The following NOSTRIN variants were observed in gnomAD, a reference collection of about 807,000 sequenced individuals.
NOSTRIN encodes BM247 homolog.
A neutral mutation model predicts 59.0 loss-of-function variants in NOSTRIN; 63 were observed. The ratio of observed to expected loss-of-function variants is 1.07; its 90% confidence interval spans 0.87 to 1.32. The LOEUF (loss-of-function observed/expected upper bound fraction) is 1.32. NOSTRIN is among the 40% of genes most tolerant of loss of function. The pLI is 0.00. For synonymous variants in NOSTRIN, 200 were observed against 165.4 expected, an observed-to-expected ratio of 1.21 and a Z score of -1.61; for missense variants, 512 against 473.1, an observed-to-expected ratio of 1.08 and a Z score of -0.76.
At position 168,811,627 on chromosome 2, in the gene NOSTRIN, C is replaced by T. The variant is rs781506508; in HGVS notation, c.88C>T (p.Gln30Ter). ...FSQNGENFCK[Q>*]VTSVLQQRAN... is the part of the protein sequence containing the mutation. ...TCAAAATGGAGAGAATTTCTGCAAA[C>T]AGGTCACATCTGTTCTTCAGCAAAG... The change falls in exon 2 of 16, where the codon CAG (glutamine) becomes TAG (stop). Residue 30 changes from glutamine to a stop codon, truncating the protein, a stop_gained. Coordinates refer to ENST00000317647, the MANE Select transcript of NOSTRIN (RefSeq NM_001039724.4). LOFTEE classifies it high-confidence loss of function. 1.2e-6 allele frequency: 1 copy of T among 862,934 alleles called. No homozygotes were observed. Among genetic ancestry groups the T allele is most frequent in the South Asian group, 1.3e-5 (1 of 74,232 alleles). 53.5% of individuals were successfully genotyped at this position (862,934 alleles called of 1,614,324 possible).
intron 1 of NOSTRIN, among the ~76,000 whole-genome samples, chr2:168,804,610 A>G (rs868788536): frequency 6.6e-6 from 1 of 152,312 alleles, no homozygotes; most frequent in Middle Eastern, 3.4e-3. Flanking sequence ...AAAAGAACCC[A>G]AAGCTTTAAC....
At position 168,860,909 on chromosome 2, in the gene NOSTRIN, G is replaced by A. The variant is rs1304033775; in HGVS notation, c.1294G>A (p.Ala432Thr). Residue 432 changes from alanine to threonine, a missense_variant and splice_region_variant, in exon 14 of 16, where the codon GCC (alanine) becomes ACC (threonine). Ala to Thr is a moderately conservative substitution (Grantham distance 58, BLOSUM62 0). Coordinates refer to ENST00000317647, the MANE Select transcript of NOSTRIN (RefSeq NM_001039724.4). Reference protein sequence around the residue: ...GQSNPGSSTPAPGAAQLSSRL... With the variant: ...GQSNPGSSTPTPGAAQLSSRL... ...GAGCAATCCAGGTTCTTCAACTCCA[G>A]GTAATCCCATGCCCACAATCATTTT... The A allele has an allele frequency of 6.2e-7, 1 of 1,601,090 alleles. No individual in the cohort carries two copies. Among genetic ancestry groups the A allele is most frequent in the South Asian group, 1.1e-5 (1 of 90,806 alleles).
upstream of NOSTRIN, among the ~76,000 whole-genome samples, chr2:168,799,734 C>T (rs758197408): frequency 2.0e-5 from 3 of 152,212 alleles, no homozygotes; most frequent in Admixed American, 6.5e-5. Context: ...AAACGTGTCA[C>T]CCCAGGCTGG....
chr2:168,801,691 G>A (rs1450732426), upstream of NOSTRIN, among the ~76,000 whole-genome samples: 1 of 152,194 alleles, frequency 6.6e-6, no homozygotes. Flanking sequence ...CAGTCAAACA[G>A]AACTGTCCAC....
At chr2:168,861,919 C>T in intron 14 of NOSTRIN, 41 bp from the exon 15 acceptor site, 1 of 1,566,958 alleles carries the variant, frequency 6.4e-7, no homozygotes, top group Non-Finnish European at 8.8e-7. Flanking sequence ...ATTCATTTGC[C>T]TGCTAACACA....
chr2:168,859,935 T>A (rs1248498021), intron 13 of NOSTRIN, among the ~76,000 whole-genome samples: 10 of 152,244 alleles, frequency 6.6e-5, no homozygotes, highest in Admixed American at 6.5e-4. Flanking sequence ...GTAAAATTTC[T>A]ATTAAATTGA....
At chr2:168,802,215 C>T (rs1192038838), upstream of NOSTRIN, among the ~76,000 whole-genome samples, 1 of 152,088 alleles carries the variant, frequency 6.6e-6, no homozygotes, top group South Asian at 2.1e-4. Context: ...GTCTCCAAGT[C>T]CATGAGGTCC....
intron 7 of NOSTRIN, among the ~76,000 whole-genome samples, chr2:168,841,235 C>CAAAAAAAAA (rs57480764): frequency 1.1e-4 from 12 of 106,586 alleles, no homozygotes; most frequent in African/African-American, 2.5e-4. Flanking sequence ...ACCCTGTCTC[C>CAAAAAAAAA]AAAAAAAAAA....
At chr2:168,792,498 G>C (rs368038198) in intron 2 of NOSTRIN, among the ~76,000 whole-genome samples, 2 of 152,166 alleles carry the variant, frequency 1.3e-5, no homozygotes, top group East Asian at 3.9e-4. Context: ...CACCCAGGCT[G>C]GAGTGCAGTG....
upstream of NOSTRIN, among the ~76,000 whole-genome samples, chr2:168,800,097 C>T (rs1238406602): frequency 6.6e-6 from 1 of 152,218 alleles, no homozygotes; most frequent in African/African-American, 2.4e-5. Flanking sequence ...TGAGAAGAGC[C>T]TGGTTAGACT....
chr2:168,799,230 G>T (rs556828422), upstream of NOSTRIN, among the ~76,000 whole-genome samples: 4 of 152,266 alleles, frequency 2.6e-5, no homozygotes, highest in South Asian at 8.3e-4. Context: ...CAGCCCTCAA[G>T]CTTGGCCCAA....
At chr2:168,814,987 T>A (rs570356455) in intron 2 of NOSTRIN, among the ~76,000 whole-genome samples, 1 of 152,254 alleles carries the variant, frequency 6.6e-6, no homozygotes, top group South Asian at 2.1e-4. Flanking sequence ...AAGAAGGCCT[T>A]TATTGTCCTT....
chr2:168,841,329 A>G (rs1688097941), intron 7 of NOSTRIN, among the ~76,000 whole-genome samples: 1 of 151,996 alleles, frequency 6.6e-6, no homozygotes, highest in African/African-American at 2.4e-5. Context: ...AATTCATGCA[A>G]TCCAACTTCT....
rs763171932 is a variant in NOSTRIN, at chr2:168,834,140, G to A, written c.406-87G>A. ...TACATAATTGTTAAAGCTAGCACAT[G>A]AATGTGCTTTGTTCCAAAAGAGGAG... On this transcript the variant is annotated intron_variant, in intron 6 of 15. Transcript: ENST00000317647. 16 of 723,936 alleles carry A rather than the reference G, an allele frequency of 2.2e-5. 1 individual carries two copies. The highest frequency in any genetic ancestry group is 3.7e-5 in the Non-Finnish European group (15 of 402,914). 44.8% of individuals were successfully genotyped at this position (723,936 alleles called of 1,614,324 possible). A position where few individuals can be genotyped will look rare whatever the true frequency, so the allele number is the denominator to read the frequency against.
In NOSTRIN at chr2:168,857,032, C is replaced by G. The variant is rs1689172106; in HGVS notation, c.1053+254C>G. ...ATAGTATTCTCCAAACAGAGTCGTT[C>G]TTTAAGGGCCTAGAAACCATGTGCA... On this transcript the variant is annotated intron_variant, in intron 12 of 15. Transcript: ENST00000317647. Among the ~76,000 whole-genome samples, 3 of 151,666 alleles carry G rather than the reference C, an allele frequency of 2.0e-5. 1 individual carries two copies. The South Asian group carries it at 6.4e-4, about 32-fold the overall frequency.
At chr2:168,850,790 C>T in intron 8 of NOSTRIN, 2 of 755,446 alleles carry the variant, frequency 2.6e-6, no homozygotes, top group Middle Eastern at 2.3e-4. Flanking sequence ...GATTGTGTCT[C>T]AAATGCTTCC....
intron 2 of NOSTRIN, among the ~76,000 whole-genome samples, chr2:168,823,404 G>C (rs368641623): frequency 6.6e-6 from 1 of 152,182 alleles, no homozygotes. Context: ...CAGTTCTGCA[G>C]GCTGGCAGTC....
intron 3 of NOSTRIN, among the ~76,000 whole-genome samples, chr2:168,825,012 G>A (rs1037337088): frequency 2.6e-5 from 4 of 152,076 alleles, no homozygotes; most frequent in Admixed American, 2.6e-4. Flanking sequence ...TCCTGCCTTG[G>A]CCTTCCAAAG....
intron 2 of NOSTRIN, among the ~76,000 whole-genome samples, chr2:168,823,043 G>A (rs1686842196): frequency 6.6e-6 from 1 of 152,190 alleles, no homozygotes; most frequent in South Asian, 2.1e-4. Context: ...TTGAGATGGA[G>A]TTTTGCTCTG....
Sources: gnomAD v4.1 joint callset for allele counts (sites outside exome capture counted in the v4.1 genomes callset) on GRCh38, gnomAD v4.1.1 for gene constraint, MANE v1.5 for transcripts, NCBI Gene and HGNC (gene_info 2026-07-23, HGNC 2026-07-21) for gene names.